The following CSMD1 variants were observed in gnomAD, a reference collection of about 807,000 sequenced individuals.
The protein encoded by CSMD1 is CUB and sushi domain-containing protein 1.
CSMD1 carries 213 observed loss-of-function variants against 417.5 expected under a neutral mutation model. That is an observed-to-expected ratio of 0.51 (90% CI 0.46 to 0.57). The LOEUF (loss-of-function observed/expected upper bound fraction) is 0.57, where lower values mean the gene tolerates loss of function less well. Ranked by LOEUF, CSMD1 falls within the 20% of genes least tolerant of loss-of-function variation. CSMD1 has a pLI of 0.00. For synonymous variants in CSMD1, 2,862 were observed against 1,736.8 expected (o/e 1.65, Z -16.11); for missense variants, 6,923 against 4,529.7 (o/e 1.53, Z -15.17).
chr8:4,080,014 T>C (rs1800043847), intron 3 of CSMD1, among the ~76,000 whole-genome samples: 1 of 152,022 alleles, frequency 6.6e-6, no homozygotes, highest in South Asian at 2.1e-4. Context: ...TTTTTTTTTT[T>C]TTCTAGATAT....
chr8:4,072,951 T>A (rs1377508732), intron 3 of CSMD1, among the ~76,000 whole-genome samples: 1 of 152,214 alleles, frequency 6.6e-6, no homozygotes, highest in Non-Finnish European at 1.5e-5. Context: ...CAAAAGTTTT[T>A]AAAATTTTGC....
rs571502760 is a variant in CSMD1, at chr8:3,042,937, TATATAGTGATATAC to T, written c.7660+9511_7660+9524del. On this transcript the variant is annotated intron_variant, in intron 50 of 69. Coordinates refer to ENST00000635120, the MANE Select transcript of CSMD1 (RefSeq NM_033225.6). Reference sequence around the variant, plus strand: ...TCACTATGGTGATATATATATAGTATATATAGTGATATACATATAGTGATATATACAGATTATAT... The same window carrying T: ...TCACTATGGTGATATATATATAGTATATATAGTGATATATACAGATTATAT... Among the ~76,000 whole-genome samples the T allele has an allele frequency of 4.6e-4, 69 of 151,564 alleles. No homozygotes were observed. The East Asian group carries it at 0.012, about 26-fold the overall frequency.
rs1188792454 is a variant in CSMD1 at position 3,838,837 on chromosome 8, AATTATATATACT to A, written c.819-84807_819-84796del. Among the ~76,000 whole-genome samples the A allele has an allele frequency of 5.9e-3, 730 of 123,658 alleles. 20 individuals are homozygous for A. The highest frequency in any genetic ancestry group is 0.021 in the African/African-American group (670 of 31,524). The allele number at this position is 123,658 out of a possible 152,430, so 81.1% of individuals were successfully genotyped here. A position where few individuals can be genotyped will look rare whatever the true frequency, so the allele number is the denominator to read the frequency against. ...ATATATACTATTAATATATAATATTAATTATATATACTATTATATATACTATTAATTATATAT... is the reference window on the plus strand; with the variant it reads ...ATATATACTATTAATATATAATATTAATTATATATACTATTAATTATATAT... On this transcript the variant is annotated intron_variant, in intron 5 of 69. Transcript: ENST00000635120.
At chr8:3,812,634 C>A (rs1801149499) in intron 5 of CSMD1, among the ~76,000 whole-genome samples, 1 of 152,170 alleles carries the variant, frequency 6.6e-6, no homozygotes, top group African/African-American at 2.4e-5. Flanking sequence ...ACTGACAAAT[C>A]TGTATCCTAG....
chr8:4,169,322 C>T (rs746741880), intron 3 of CSMD1, among the ~76,000 whole-genome samples: 8 of 152,180 alleles, frequency 5.3e-5, no homozygotes, highest in Non-Finnish European at 8.8e-5. Flanking sequence ...AAGCTGGTCC[C>T]TCCCATGTGC....
At chr8:4,600,531 A>C (rs2130762306) in intron 2 of CSMD1, among the ~76,000 whole-genome samples, 1 of 152,348 alleles carries the variant, frequency 6.6e-6, no homozygotes, top group East Asian at 1.9e-4. Flanking sequence ...TGAAAATTAT[A>C]AATGAACACA....
At chr8:4,024,097 A>C (rs1314379559) in intron 4 of CSMD1, among the ~76,000 whole-genome samples, 1 of 152,198 alleles carries the variant, frequency 6.6e-6, no homozygotes, top group Non-Finnish European at 1.5e-5. Flanking sequence ...AAGAATATTC[A>C]CATCTTACTA....
intron 1 of CSMD1, among the ~76,000 whole-genome samples, chr8:4,908,533 G>GTT (rs71535906): frequency 6.0e-5 from 9 of 151,176 alleles, no homozygotes; most frequent in South Asian, 4.2e-4. Flanking sequence ...GTTCTCTTCT[G>GTT]TTTTTTTTCT....
chr8:3,363,978 G>C (rs138933058), intron 20 of CSMD1, among the ~76,000 whole-genome samples: 24 of 151,988 alleles, frequency 1.6e-4, no homozygotes, highest in Non-Finnish European at 3.4e-4. Flanking sequence ...ATACTGACTA[G>C]GAAACACAAT....
At chr8:3,599,538 G>A (rs1038853441) in intron 8 of CSMD1, among the ~76,000 whole-genome samples, 1 of 152,114 alleles carries the variant, frequency 6.6e-6, no homozygotes, top group African/African-American at 2.4e-5. Flanking sequence ...ACGCAGCATT[G>A]TTAACCCCCA....
intron 25 of CSMD1, among the ~76,000 whole-genome samples, chr8:3,301,939 C>CT (rs978541303): frequency 4.0e-5 from 6 of 151,792 alleles, no homozygotes; most frequent in Non-Finnish European, 4.4e-5. Flanking sequence ...ATTCTATGCA[C>CT]TTTTTTTTCA....
intron 3 of CSMD1, among the ~76,000 whole-genome samples, chr8:4,180,346 A>C (rs1042103051): frequency 1.3e-4 from 19 of 149,134 alleles, no homozygotes; most frequent in Non-Finnish European, 2.7e-4. Flanking sequence ...CAAACAATGC[A>C]TGTTCTCACT....
intron 3 of CSMD1, among the ~76,000 whole-genome samples, chr8:4,138,784 G>C (rs1208323294): frequency 1.3e-5 from 2 of 152,106 alleles, no homozygotes; most frequent in Admixed American, 6.5e-5. Flanking sequence ...AATACACTAT[G>C]AACAGTGGCT....
At chr8:3,956,161 G>A (rs185899679) in intron 5 of CSMD1, among the ~76,000 whole-genome samples, 3 of 149,650 alleles carry the variant, frequency 2.0e-5, no homozygotes, top group Non-Finnish European at 4.5e-5. Flanking sequence ...AATCTTAGAT[G>A]CAAAAAGGTT....
rs1411620522 is a variant in CSMD1, at chr8:4,197,917, T to C, written c.416-165818A>G. On this transcript the variant is annotated intron_variant, in intron 3 of 69. Coordinates refer to ENST00000635120, the MANE Select transcript of CSMD1 (RefSeq NM_033225.6). Reference sequence around the variant, plus strand: ...AAAAAAGCTTCATCCATTTCATCTATTCATTCATTTAGTAATTCTGTACAC... The same window carrying C: ...AAAAAAGCTTCATCCATTTCATCTACTCATTCATTTAGTAATTCTGTACAC... 2.0e-5 allele frequency among the ~76,000 whole-genome samples: 3 copies of C among 152,298 alleles called. No individual in the cohort carries two copies. The East Asian group carries it at 5.8e-4, about 29-fold the overall frequency.
At chr8:4,979,545 C>A (rs1163577091) in intron 1 of CSMD1, among the ~76,000 whole-genome samples, 1 of 142,174 alleles carries the variant, frequency 7.0e-6, no homozygotes, top group East Asian at 1.9e-4. Flanking sequence ...AAAGAAGGAG[C>A]TAGTTTTCAC....
Position 4,894,741 on chromosome 8 carries a change from G to A in CSMD1, c.85+99591C>T, listed in dbSNP as rs147451803. On this transcript the variant is annotated intron_variant, in intron 1 of 69. Coordinates refer to ENST00000635120, the MANE Select transcript of CSMD1 (RefSeq NM_033225.6). The stretch of plus-strand genomic sequence containing the variant: ...GTGTGTGTCTGAGGAGGACCGAGGG[G>A]GACCAAGTGTGTTTGTGTGCACATG... Among the ~76,000 whole-genome samples, 319 of 151,388 alleles carry A rather than the reference G, an allele frequency of 2.1e-3. 3 individuals carry two copies. Among genetic ancestry groups the A allele is most frequent in the Middle Eastern group, 3.4e-3 (1 of 294 alleles).
At chr8:4,176,215 G>A (rs1026768006) in intron 3 of CSMD1, among the ~76,000 whole-genome samples, 1 of 152,064 alleles carries the variant, frequency 6.6e-6, no homozygotes, top group Non-Finnish European at 1.5e-5. Flanking sequence ...ATGTGGCTCT[G>A]TAGGCTATAT....
intron 23 of CSMD1, among the ~76,000 whole-genome samples, chr8:3,331,532 T>G (rs541681111): frequency 6.6e-6 from 1 of 152,236 alleles, no homozygotes; most frequent in Non-Finnish European, 1.5e-5. Context: ...CCTTAACTTA[T>G]GGAACCCTCG....
Sources: allele counts gnomAD v4.1 joint callset (sites outside exome capture counted in the v4.1 genomes callset), GRCh38; gene constraint gnomAD v4.1.1; transcripts MANE v1.5; gene names NCBI Gene and HGNC (gene_info 2026-07-23, HGNC 2026-07-21).